The following LINGO1 variants were observed in gnomAD, a reference collection of about 807,000 sequenced individuals.
LINGO1 encodes leucine-rich repeat and immunoglobulin-like domain-containing nogo receptor-interacting protein 1.
In LINGO1, 11 loss-of-function variants were observed where a neutral mutation model predicts 37.3. That is an observed-to-expected ratio of 0.29 (90% CI 0.19 to 0.49). The LOEUF (loss-of-function observed/expected upper bound fraction) is 0.49. Ranked by LOEUF, LINGO1 falls within the 20% of genes least tolerant of loss-of-function variation. LINGO1 has a pLI of 0.99. For missense variants in LINGO1, 585 were observed against 878.2 expected (o/e 0.67, Z 4.22); for synonymous variants, 387 against 403.0 (o/e 0.96, Z 0.48).
chr15:77,805,207 C>T (rs1190870190), intron 1 of LINGO1, among the ~76,000 whole-genome samples: 1 of 152,242 alleles, frequency 6.6e-6, no homozygotes, highest in Admixed American at 6.5e-5. Flanking sequence ...AAGACTAATT[C>T]AAATGCAGGC....
chr15:77,622,717 G>A (rs557200036), intron 1 of LINGO1, among the ~76,000 whole-genome samples: 24 of 152,314 alleles, frequency 1.6e-4, no homozygotes, highest in Non-Finnish European at 2.6e-4. Flanking sequence ...GAGTGGGGGC[G>A]CAGTGGGGCC....
At chr15:77,813,058 C>T (rs1254106099) in intron 1 of LINGO1, among the ~76,000 whole-genome samples, 1 of 152,336 alleles carries the variant, frequency 6.6e-6, no homozygotes, top group South Asian at 2.1e-4. Flanking sequence ...GATGGATAAG[C>T]CCAGTCCCTG....
At chr15:77,809,768 G>A (rs1469096470) in intron 1 of LINGO1, among the ~76,000 whole-genome samples, 3 of 152,212 alleles carry the variant, frequency 2.0e-5, no homozygotes, top group Non-Finnish European at 4.4e-5. Context: ...AGGACGCCCA[G>A]CCCCTGCCTC....
chr15:77,698,803 T>A (rs2075730239), upstream of LINGO1, among the ~76,000 whole-genome samples: 1 of 151,952 alleles, frequency 6.6e-6, no homozygotes, highest in African/African-American at 2.4e-5. Context: ...AAGGGTCGGG[T>A]GGGCACAGCA....
intron 1 of LINGO1, among the ~76,000 whole-genome samples, chr15:77,814,897 A>G (rs2077035426): frequency 6.6e-6 from 1 of 152,206 alleles, no homozygotes; most frequent in Admixed American, 6.5e-5. Context: ...GCACTGTGCC[A>G]CCCCATGGTA....
Position 77,616,382 on chromosome 15 carries a change from G to A in LINGO1, c.7-482C>T, listed in dbSNP as rs143068690. Among the ~76,000 whole-genome samples the A allele has an allele frequency of 3.7e-3, 557 of 152,300 alleles. 5 individuals carry two copies. The highest frequency in any genetic ancestry group is 0.013 in the African/African-American group (522 of 41,574). On this transcript the variant is annotated intron_variant, in intron 1 of 1. Coordinates refer to ENST00000355300, the MANE Select transcript of LINGO1 (RefSeq NM_032808.7). ...GCCGGAGCAGAGCAACCAGGAGTGTGGCTACCCCTAGCCTGCACGGCCAGG... is the reference window on the plus strand; with the variant it reads ...GCCGGAGCAGAGCAACCAGGAGTGTAGCTACCCCTAGCCTGCACGGCCAGG...
intron 1 of LINGO1, among the ~76,000 whole-genome samples, chr15:77,747,094 C>A (rs2076321696): frequency 6.6e-6 from 1 of 152,214 alleles, no homozygotes; most frequent in African/African-American, 2.4e-5. Context: ...CCCTCCCTGC[C>A]TTTAGCTCCA....
intron 1 of LINGO1, among the ~76,000 whole-genome samples, chr15:77,786,177 C>T (rs1182796211): frequency 6.6e-6 from 1 of 152,188 alleles, no homozygotes; most frequent in East Asian, 1.9e-4. Flanking sequence ...GCAAGACCCA[C>T]CAGCCCTGGG....
chr15:77,777,086 A>G (rs956358857), intron 1 of LINGO1, among the ~76,000 whole-genome samples: 7 of 152,206 alleles, frequency 4.6e-5, no homozygotes, highest in Non-Finnish European at 8.8e-5. Flanking sequence ...CTCATTGCTG[A>G]CATAGCACTA....
At chr15:77,661,828 C>T (rs1417124221) in intron 3 of LINGO1, among the ~76,000 whole-genome samples, 1 of 152,234 alleles carries the variant, frequency 6.6e-6, no homozygotes, top group Non-Finnish European at 1.5e-5. Flanking sequence ...TTTGCTGGGC[C>T]TCAGTTTCCC....
intron 2 of LINGO1, among the ~76,000 whole-genome samples, chr15:77,679,852 A>G (rs373570404): frequency 1.3e-5 from 2 of 152,198 alleles, no homozygotes; most frequent in African/African-American, 4.8e-5. Context: ...AGCCCATAGC[A>G]ACCACTCGAT....
intron 1 of LINGO1, among the ~76,000 whole-genome samples, chr15:77,802,034 A>G (rs906170574): frequency 2.6e-5 from 4 of 152,188 alleles, no homozygotes; most frequent in Admixed American, 2.6e-4. Context: ...AGGGGGCTTC[A>G]AGGCTCCAGT....
chr15:77,791,988 T>A (rs1228208355), upstream of LINGO1, among the ~76,000 whole-genome samples: 2 of 152,006 alleles, frequency 1.3e-5, no homozygotes, highest in Non-Finnish European at 2.9e-5. Flanking sequence ...CTTCTCTACA[T>A]CATCTTGTCC....
upstream of LINGO1, among the ~76,000 whole-genome samples, chr15:77,790,784 T>C (rs900180516): frequency 2.6e-5 from 4 of 152,104 alleles, no homozygotes; most frequent in African/African-American, 9.7e-5. Flanking sequence ...CCATGGAGAC[T>C]TCAGGGAGGC....
intron 1 of LINGO1, among the ~76,000 whole-genome samples, chr15:77,768,340 C>T (rs886976348): frequency 6.6e-6 from 1 of 152,200 alleles, no homozygotes; most frequent in Non-Finnish European, 1.5e-5. Flanking sequence ...TGGGAGTCTG[C>T]CCCCGCCAGA....
rs111326699 is a variant in LINGO1, at chr15:77,628,471, G to A, written c.6+3839C>T. Among the ~76,000 whole-genome samples the A allele has an allele frequency of 1.6e-3, 240 of 152,260 alleles. 1 individual carries two copies. The highest frequency in any genetic ancestry group is 5.7e-3 in the African/African-American group (238 of 41,548). On this transcript the variant is annotated intron_variant, in intron 1 of 1. Transcript: ENST00000355300. ...TTCCAGAGGACTGCACACAGTTCAT[G>A]CTCTTTTTATAAAGTTCAAAAATAA...
At chr15:77,786,631 C>T (rs1266642205) in intron 1 of LINGO1, among the ~76,000 whole-genome samples, 4 of 152,210 alleles carry the variant, frequency 2.6e-5, no homozygotes, top group Admixed American at 6.5e-5. Flanking sequence ...ACACTCCCGC[C>T]GCCCTCCATG....
intron 3 of LINGO1, among the ~76,000 whole-genome samples, chr15:77,669,466 C>T (rs1180085891): frequency 6.6e-6 from 1 of 152,200 alleles, no homozygotes; most frequent in Non-Finnish European, 1.5e-5. Flanking sequence ...GCAGGGAAAA[C>T]CGAGAGAGGT....
chr15:77,815,320 G>T (rs2077038884), intron 1 of LINGO1, among the ~76,000 whole-genome samples: 1 of 141,964 alleles, frequency 7.0e-6, no homozygotes, highest in Non-Finnish European at 1.5e-5. Flanking sequence ...GCAAGCACAG[G>T]CACAGCCAGA....
Sources: allele counts gnomAD v4.1 joint callset (sites outside exome capture counted in the v4.1 genomes callset), GRCh38; gene constraint gnomAD v4.1.1; transcripts MANE v1.5; gene names NCBI Gene and HGNC (gene_info 2026-07-23, HGNC 2026-07-21).